Variants in ITPKB observed in about 807,000 individuals in gnomAD.
ITPKB encodes IP3 3-kinase B.
Under a neutral mutation model 69.4 loss-of-function variants are expected in ITPKB, and 13 were observed. The observed-to-expected ratio is 0.19, with a 90% confidence interval of 0.12 to 0.30. ITPKB has a LOEUF of 0.30. Among genes scored for constraint, ITPKB ranks in the 10% least tolerant of loss-of-function variants. The pLI, the probability that ITPKB is intolerant of heterozygous loss-of-function variation, is 1.00. For synonymous variants in ITPKB, 584 were observed against 513.7 expected, an observed-to-expected ratio of 1.14 and a Z score of -1.85; for missense variants, 1,240 against 1,250.5, an observed-to-expected ratio of 0.99 and a Z score of 0.13.
intron 2 of ITPKB, among the ~76,000 whole-genome samples, chr1:226,698,912 C>T (rs529743384): frequency 6.6e-6 from 1 of 152,352 alleles, no homozygotes; most frequent in East Asian, 1.9e-4. Flanking sequence ...GAGGGCTGAG[C>T]TGGGCAGTGC....
At chr1:226,660,415 A>C (rs1042826975) in intron 2 of ITPKB, among the ~76,000 whole-genome samples, 1 of 152,158 alleles carries the variant, frequency 6.6e-6, no homozygotes, top group Non-Finnish European at 1.5e-5. Flanking sequence ...TTTTTTGGTT[A>C]CTCAAGAATC....
At chr1:226,724,034 G>A (rs924547996) in intron 2 of ITPKB, among the ~76,000 whole-genome samples, 3 of 152,144 alleles carry the variant, frequency 2.0e-5, no homozygotes, top group African/African-American at 7.2e-5. Flanking sequence ...ACAACTGGTG[G>A]AGGGGTGTCC....
At chr1:226,636,063 C>A (rs759595197) in intron 7 of ITPKB, among the ~76,000 whole-genome samples, 2 of 152,182 alleles carry the variant, frequency 1.3e-5, no homozygotes, top group African/African-American at 2.4e-5. Flanking sequence ...TAAGGGAGAC[C>A]CCAAAAAGTG....
At chr1:226,708,181 A>G (rs1656857438) in intron 2 of ITPKB, among the ~76,000 whole-genome samples, 1 of 152,236 alleles carries the variant, frequency 6.6e-6, no homozygotes, top group Non-Finnish European at 1.5e-5. Context: ...ACCAAATTGG[A>G]TTTACAACGA....
chr1:226,733,564 AC>A (rs1412739580), intron 2 of ITPKB, among the ~76,000 whole-genome samples: 1 of 149,618 alleles, frequency 6.7e-6, no homozygotes, highest in African/African-American at 2.5e-5. Flanking sequence ...ACCCACCCTT[AC>A]CCCCCTACAC....
intron 2 of ITPKB, among the ~76,000 whole-genome samples, chr1:226,727,736 C>T (rs1378937216): frequency 1.3e-5 from 2 of 152,108 alleles, no homozygotes; most frequent in East Asian, 1.9e-4. Context: ...CACCCCTCAA[C>T]GCCCTGAGAC....
chr1:226,642,715 C>T lies in ITPKB; in HGVS notation c.2247-590G>A, dbSNP rs910528800. On this transcript the variant is annotated intron_variant, in intron 4 of 7. Transcript: ENST00000429204. This position sits in a 1 kb window ranked among gnomAD's most constrained non-coding sequence, Gnocchi z 6.4. ...ACTGGGGGCAGGGTCTACTCAGGGCCCCACTAGATCCCCTTGGCTGCCTCG... is the reference window on the plus strand; with the variant it reads ...ACTGGGGGCAGGGTCTACTCAGGGCTCCACTAGATCCCCTTGGCTGCCTCG... Among the ~76,000 whole-genome samples, 2 of 152,042 alleles carry T rather than the reference C, an allele frequency of 1.3e-5. No individual in the cohort carries two copies. The highest frequency in any genetic ancestry group is 2.9e-5 in the Non-Finnish European group (2 of 68,018).
At chr1:226,689,191 A>G (rs2102779383) in intron 2 of ITPKB, among the ~76,000 whole-genome samples, 1 of 152,340 alleles carries the variant, frequency 6.6e-6, no homozygotes, top group East Asian at 1.9e-4. Flanking sequence ...GCAATGACGA[A>G]AAAAGTAATG....
At chr1:226,700,396 G>T (rs1359209703) in intron 2 of ITPKB, among the ~76,000 whole-genome samples, 2 of 149,812 alleles carry the variant, frequency 1.3e-5, no homozygotes, top group Non-Finnish European at 3.0e-5. Context: ...TTGAATCCGG[G>T]AGGCGGAGAT....
intron 3 of ITPKB, among the ~76,000 whole-genome samples, 188 bp downstream of exon 3, chr1:226,648,484 A>G (rs944515592): frequency 5.3e-5 from 8 of 152,216 alleles, no homozygotes; most frequent in African/African-American, 1.9e-4. Context: ...GACTCCAGAG[A>G]GGTCCGTTGT....
chr1:226,736,523 G>A lies in ITPKB; in HGVS notation c.936C>T (p.Ser312=), dbSNP rs765453481. The A allele has an allele frequency of 6.2e-7, 1 of 1,613,962 alleles. No homozygotes were observed. The highest frequency in any genetic ancestry group is 8.5e-7 in the Non-Finnish European group (1 of 1,180,034). ...GATCCTGTGGACGGTGTGGCCCAGT[G>A]GATGTAACTCTCGCTGCCACTTCCG... ...MATEVAARVT[S]TGPHRPQDLA... Residue 312 remains serine, a synonymous_variant, in exon 2 of 8, where the codon TCC becomes TCT. Transcript: ENST00000429204.
chr1:226,699,822 G>A (rs1232084774), intron 2 of ITPKB, among the ~76,000 whole-genome samples: 3 of 152,108 alleles, frequency 2.0e-5, no homozygotes, highest in Non-Finnish European at 4.4e-5. Context: ...GAACCAATAG[G>A]ATAGATAAAT....
At chr1:226,704,053 C>G (rs1656744184) in intron 2 of ITPKB, among the ~76,000 whole-genome samples, 1 of 152,172 alleles carries the variant, frequency 6.6e-6, no homozygotes, top group South Asian at 2.1e-4. Flanking sequence ...CCCATCCGCC[C>G]AAGGCTTTTA....
chr1:226,732,203 C>T (rs1280304100), intron 2 of ITPKB, among the ~76,000 whole-genome samples: 1 of 149,510 alleles, frequency 6.7e-6, no homozygotes, highest in Non-Finnish European at 1.5e-5. Context: ...CTTCTTTATA[C>T]ACCCCACAGG....
chr1:226,637,451 G>A lies in ITPKB; in HGVS notation c.2625+228C>T, dbSNP rs562544249. Among the ~76,000 whole-genome samples the A allele has an allele frequency of 4.6e-5, 7 of 152,344 alleles. No individual in the cohort carries two copies. Among genetic ancestry groups the A allele is most frequent in the Admixed American group, 6.5e-5 (1 of 15,308 alleles). On this transcript the variant is annotated intron_variant, in intron 7 of 7. Coordinates refer to ENST00000429204, the MANE Select transcript of ITPKB (RefSeq NM_002221.4). The surrounding 1 kb of genome is among the most constrained non-coding windows in gnomAD (Gnocchi z 4.3). The stretch of plus-strand genomic sequence containing the variant: ...ACTCTGGAGCTGGAAGGACAAGGGA[G>A]GAGAAAGGGGGCAATAGCCAGGGGT...
At chr1:226,669,960 G>A (rs1170713716) in intron 2 of ITPKB, among the ~76,000 whole-genome samples, 5 of 150,778 alleles carry the variant, frequency 3.3e-5, no homozygotes, top group Non-Finnish European at 4.4e-5. Context: ...TGCAACCTCC[G>A]CCTCCAGGGG....
chr1:226,668,351 A>C (rs1301321282), intron 2 of ITPKB, among the ~76,000 whole-genome samples: 1 of 152,224 alleles, frequency 6.6e-6, no homozygotes, highest in Non-Finnish European at 1.5e-5. Flanking sequence ...GAGCAAGTTC[A>C]CAGGATTCGG....
chr1:226,652,780 TC>T (rs1222490303), intron 2 of ITPKB, among the ~76,000 whole-genome samples: 1 of 152,142 alleles, frequency 6.6e-6, no homozygotes, highest in Admixed American at 6.5e-5. Flanking sequence ...CTCCCAAAGC[TC>T]CCTATGTGTG....
intron 2 of ITPKB, among the ~76,000 whole-genome samples, chr1:226,652,306 G>C (rs1669210482): frequency 6.6e-6 from 1 of 152,154 alleles, no homozygotes; most frequent in Non-Finnish European, 1.5e-5. Context: ...TCTGCCTCAG[G>C]AACCAAATCC....
Sources: allele counts gnomAD v4.1 joint callset (sites outside exome capture counted in the v4.1 genomes callset), GRCh38; gene constraint gnomAD v4.1.1; non-coding constraint Gnocchi (gnomAD v3.1); transcripts MANE v1.5; gene names NCBI Gene and HGNC (gene_info 2026-07-23, HGNC 2026-07-21).